LBP: variants seen among roughly 807,000 people sequenced by gnomAD.
LBP encodes lipopolysaccharide-binding protein.
A neutral mutation model predicts 56.6 loss-of-function variants in LBP; 53 were observed. That is an observed-to-expected ratio of 0.94 (90% CI 0.75 to 1.18). The LOEUF (loss-of-function observed/expected upper bound fraction) is 1.18. LBP is among the 50% of genes most tolerant of loss of function. LBP has a pLI of 0.00. For synonymous variants in LBP, 227 were observed against 247.5 expected (o/e 0.92, Z 0.78); for missense variants, 601 against 598.3 (o/e 1.00, Z -0.05).
At chr20:38,363,777 AC>A (rs2076870267) in intron 6 of LBP, among the ~76,000 whole-genome samples, 197 bp from the exon 7 acceptor site, 1 of 151,646 alleles carries the variant, frequency 6.6e-6, no homozygotes, top group Admixed American at 6.6e-5. Flanking sequence ...CTGAGCATAC[AC>A]CCCCACCATT....
chr20:38,375,312 G>A (rs1248940091), intron 14 of LBP, among the ~76,000 whole-genome samples: 1 of 151,100 alleles, frequency 6.6e-6, no homozygotes, highest in African/African-American at 2.4e-5. Context: ...GCCAGGAGCG[G>A]TGGTTCATGC....
intron 6 of LBP, among the ~76,000 whole-genome samples, chr20:38,362,053 C>CTTTTTTTTTTTTTTT (rs1229689650): frequency 9.3e-5 from 11 of 117,672 alleles, no homozygotes; most frequent in Non-Finnish European, 1.4e-4. Context: ...TTTTTGTTTT[C>CTTTTTTTTTTTTTTT]TTTTTTTTTT....
Position 38,355,224 on chromosome 20 carries a change from G to A in LBP, c.525-122G>A, listed in dbSNP as rs529902752. 4.0e-5 allele frequency: 33 copies of A among 822,736 alleles called. 1 individual carries two copies. In the African/African-American group the frequency reaches 5.0e-4, roughly 13 times the overall value. The allele number at this position is 822,736 out of a possible 1,614,324, so 51.0% of individuals were successfully genotyped here. A position where few individuals can be genotyped will look rare whatever the true frequency, so the allele number is the denominator to read the frequency against. ...GGCTGGATGTGCTGGGACACAGCAG[G>A]GCGCCGGGAAGGGGTGGAGAGGGCT... is the stretch of plus-strand genomic sequence containing the variant. On this transcript the variant is annotated intron_variant, in intron 4 of 14. Transcript: ENST00000217407.
chr20:38,356,567 T>G (rs11696597), intron 5 of LBP, among the ~76,000 whole-genome samples: 18,857 of 152,036 alleles, frequency 0.12, 1,298 homozygotes, highest in South Asian at 0.2. Flanking sequence ...CTCTTTCTTT[T>G]CTGGTTCTGG....
At chr20:38,373,418 G>C (rs1266548063) in intron 13 of LBP, among the ~76,000 whole-genome samples, 1 of 152,182 alleles carries the variant, frequency 6.6e-6, no homozygotes, top group Non-Finnish European at 1.5e-5. Flanking sequence ...ACATCCTGAA[G>C]AGGCAGGTCA....
At chr20:38,374,136 G>A in intron 14 of LBP, 123 bp downstream of exon 14, 3 of 939,134 alleles carry the variant, frequency 3.2e-6, no homozygotes, top group South Asian at 2.9e-5. Context: ...GTCTGGCCAG[G>A]GGCAGGACGG....
chr20:38,361,532 G>A (rs573062178), intron 6 of LBP, among the ~76,000 whole-genome samples: 2 of 151,996 alleles, frequency 1.3e-5, no homozygotes, highest in Non-Finnish European at 2.9e-5. Flanking sequence ...AGCCACCTGA[G>A]TAGCTGGGAC....
intron 3 of LBP, among the ~76,000 whole-genome samples, chr20:38,351,307 G>A (rs958580030): frequency 6.6e-6 from 1 of 152,202 alleles, no homozygotes; most frequent in Non-Finnish European, 1.5e-5. Context: ...GTGGGGAAGT[G>A]AGGAAGGGAA....
chr20:38,366,606 T>G (rs946485688), intron 8 of LBP, among the ~76,000 whole-genome samples, 163 bp from the exon 9 acceptor site: 2 of 152,192 alleles, frequency 1.3e-5, no homozygotes, highest in African/African-American at 4.8e-5. Flanking sequence ...AAGTCCCATG[T>G]GCTCTCCTTG....
intron 14 of LBP, among the ~76,000 whole-genome samples, chr20:38,374,649 C>T (rs1376661115): frequency 2.7e-5 from 4 of 150,888 alleles, no homozygotes; most frequent in Non-Finnish European, 5.9e-5. Flanking sequence ...AAGTCCTAGA[C>T]GTAGCATTAG....
At chr20:38,367,858 C>G (rs984411218) in intron 9 of LBP, among the ~76,000 whole-genome samples, 1 of 152,052 alleles carries the variant, frequency 6.6e-6, no homozygotes, top group Non-Finnish European at 1.5e-5. Context: ...AACTCTGTAC[C>G]TATCTCTAGT....
chr20:38,370,923 C>A, intron 11 of LBP, 118 bp downstream of exon 11: 1 of 857,896 alleles, frequency 1.2e-6, no homozygotes, highest in Non-Finnish European at 2.0e-6. Context: ...ACTTACATTT[C>A]ACCCCAATTG....
rs11536975 is a variant in LBP, at chr20:38,364,073, G to A, written c.744+7G>A. ...GCTGGAGGTGATGTTTAAGGTGAGGGTCCTGGGGCCGGGCTGCGTGGGTGA... is the reference window on the plus strand; with the variant it reads ...GCTGGAGGTGATGTTTAAGGTGAGGATCCTGGGGCCGGGCTGCGTGGGTGA... On this transcript the variant is annotated splice_region_variant and intron_variant, in intron 7 of 14. Coordinates refer to ENST00000217407, the MANE Select transcript of LBP (RefSeq NM_004139.5). The A allele has an allele frequency of 3.4e-4, 547 of 1,604,756 alleles. 2 individuals carry two copies. The African/African-American group carries it at 6.2e-3, about 18-fold the overall frequency.
Position 38,352,360 on chromosome 20 carries a change from C to A in LBP, c.368+1421C>A, listed in dbSNP as rs573850454. Among the ~76,000 whole-genome samples the A allele has an allele frequency of 1.5e-4, 23 of 152,304 alleles. No homozygotes were observed. In the East Asian group the frequency reaches 3.9e-3, roughly 26 times the overall value. ...CCTAAAATAGAAGCCACCAGCCATG[C>A]CTTTACTGAGTACTTGAAAAGTGCC... On this transcript the variant is annotated intron_variant, in intron 3 of 14. Transcript: ENST00000217407.
chr20:38,346,687 G>T, intron 1 of LBP, 47 bp downstream of exon 1: 1 of 1,609,056 alleles, frequency 6.2e-7, no homozygotes, highest in South Asian at 1.1e-5. Flanking sequence ...CCACGCTCCA[G>T]GCTGCTCTGG....
chr20:38,370,714 G>T, intron 10 of LBP, 24 bp from the exon 11 acceptor site: 1 of 1,607,220 alleles, frequency 6.2e-7, no homozygotes, highest in Non-Finnish European at 8.5e-7. Flanking sequence ...ACTTACACCT[G>T]CTTCCTTCTT....
rs575367461 is a variant in LBP at position 38,371,371 on chromosome 20, G to T, written c.1260+49G>T. On this transcript the variant is annotated intron_variant, in intron 12 of 14. Coordinates refer to ENST00000217407, the MANE Select transcript of LBP (RefSeq NM_004139.5). ...TGATTAGAATGTTAATTAATTTGGGGTGTTTCCTAAGCAATTGCTATGGCA... is the reference window on the plus strand; with the variant it reads ...TGATTAGAATGTTAATTAATTTGGGTTGTTTCCTAAGCAATTGCTATGGCA... 3.5e-6 allele frequency: 5 copies of T among 1,413,314 alleles called. No individual in the cohort carries two copies. In the South Asian group the frequency reaches 3.5e-5, roughly 10 times the overall value. 87.5% of individuals were successfully genotyped at this position (1,413,314 alleles called of 1,614,324 possible).
At position 38,363,099 on chromosome 20, in the gene LBP, G is replaced by A. The variant is rs544443466; in HGVS notation, c.653-876G>A. On this transcript the variant is annotated intron_variant, in intron 6 of 14. Coordinates refer to ENST00000217407, the MANE Select transcript of LBP (RefSeq NM_004139.5). ...CATTCTACTGTTGAAGGCCATCTGGGGGGTGTTCAGTTTTAGGCCATTATC... is the reference window on the plus strand; with the variant it reads ...CATTCTACTGTTGAAGGCCATCTGGAGGGTGTTCAGTTTTAGGCCATTATC... 2.6e-5 allele frequency among the ~76,000 whole-genome samples: 4 copies of A among 152,228 alleles called. No homozygotes were observed. The South Asian group carries it at 8.3e-4, about 32-fold the overall frequency.
At chr20:38,364,271 C>T (rs1202788048) in intron 7 of LBP, among the ~76,000 whole-genome samples, 1 of 152,184 alleles carries the variant, frequency 6.6e-6, no homozygotes, top group African/African-American at 2.4e-5. Context: ...CAGGTCTTAA[C>T]GCTTCCCTCC....
Sources: allele counts gnomAD v4.1 joint callset (sites outside exome capture counted in the v4.1 genomes callset), GRCh38; gene constraint gnomAD v4.1.1; transcripts MANE v1.5; gene names NCBI Gene and HGNC (gene_info 2026-07-23, HGNC 2026-07-21).